The following NLRC3 variants were observed in gnomAD, a reference collection of about 807,000 sequenced individuals.
NLRC3 encodes NLR family CARD domain containing 3.
A neutral mutation model predicts 91.6 loss-of-function variants in NLRC3; 87 were observed. The observed-to-expected ratio is 0.95, with a 90% confidence interval of 0.80 to 1.14. NLRC3 has a LOEUF of 1.14. Among genes scored for constraint, NLRC3 ranks in the 50% most tolerant of loss-of-function variants. NLRC3 has a pLI of 0.00. For missense variants in NLRC3, 1,577 were observed against 1,418.6 expected (o/e 1.11, Z -1.79); for synonymous variants, 694 against 625.3 (o/e 1.11, Z -1.64).
rs1447795302 is a variant in NLRC3, at chr16:3,539,249, G to A, written c.*2576C>T. 1 of 152,088 alleles carries A rather than the reference G, an allele frequency of 6.6e-6. No individual in the cohort carries two copies. The highest frequency in any genetic ancestry group is 6.6e-5 in the Admixed American group (1 of 15,262). 9.4% of individuals were successfully genotyped at this position (152,088 alleles called of 1,614,324 possible). ...AAATATCATAGCTGTTAGACCCAGGGGACTCTCAGGTGCCAGAATTGGGGA... is the reference window on the plus strand; with the variant it reads ...AAATATCATAGCTGTTAGACCCAGGAGACTCTCAGGTGCCAGAATTGGGGA... On this transcript the variant is annotated 3_prime_UTR_variant, in exon 20 of 20. Transcript: ENST00000359128.
At position 3,565,032 on chromosome 16, in the gene NLRC3, C is replaced by T. The variant is rs746109588; in HGVS notation, c.5G>A (p.Arg2Lys). Residue 2 changes from arginine (R) to lysine (K), a missense_variant, in exon 4 of 20, where the codon AGG becomes AAG. Physicochemically the swap from Arg to Lys is conservative, Grantham distance 26. Transcript: ENST00000359128. M[R>K]KQEVRTGREA... ...CCTGCCCGTCCGCACCTCTTGCTTC[C>T]TCATGGAGTCGGGGATCACCTCCAG... 1.2e-6 allele frequency: 2 copies of T among 1,609,054 alleles called. No individual in the cohort carries two copies. The highest frequency in any genetic ancestry group is 2.2e-5 in the East Asian group (1 of 44,862).
intron 5 of NLRC3, among the ~76,000 whole-genome samples, chr16:3,562,398 T>G (rs959833060): frequency 3.9e-5 from 6 of 151,958 alleles, no homozygotes; most frequent in African/African-American, 1.5e-4. Context: ...CCCAGCAATT[T>G]GGGAGGCTGG....
chr16:3,575,805 G>A (rs1449959325), intron 1 of NLRC3, among the ~76,000 whole-genome samples: 2 of 152,138 alleles, frequency 1.3e-5, no homozygotes, highest in African/African-American at 4.8e-5. Flanking sequence ...GCCACTTGGC[G>A]CCCGGGTGGG....
intron 1 of NLRC3, among the ~76,000 whole-genome samples, chr16:3,570,595 G>A (rs1240521268): frequency 6.6e-6 from 1 of 152,194 alleles, no homozygotes; most frequent in African/African-American, 2.4e-5. Flanking sequence ...GAGGAGCAGA[G>A]GTGGTAATTG....
chr16:3,560,454 G>C (rs986388236), intron 6 of NLRC3, among the ~76,000 whole-genome samples: 3 of 151,898 alleles, frequency 2.0e-5, no homozygotes, highest in African/African-American at 4.8e-5. Context: ...TTAGCCCTTG[G>C]GTTCTCTTCT....
chr16:3,543,761 C>T (rs1301425243), intron 16 of NLRC3: 1 of 526,362 alleles, frequency 1.9e-6, no homozygotes, highest in Non-Finnish European at 3.4e-6. Flanking sequence ...CTCCCTGTAC[C>T]TCCTCATTAC....
chr16:3,544,422 C>G, intron 15 of NLRC3, 93 bp from the exon 16 acceptor site: 1 of 817,368 alleles, frequency 1.2e-6, no homozygotes, highest in African/African-American at 1.7e-5. Flanking sequence ...GTTTAACCGA[C>G]TACACACACC....
chr16:3,570,286 A>G (rs7196646), intron 1 of NLRC3, among the ~76,000 whole-genome samples: 17,857 of 152,188 alleles, frequency 0.12, 1,449 homozygotes, highest in African/African-American at 0.23. Context: ...TTTTTAAGAT[A>G]AGGAATATCT....
chr16:3,570,696 A>T (rs2040068813), intron 1 of NLRC3, among the ~76,000 whole-genome samples: 1 of 152,100 alleles, frequency 6.6e-6, no homozygotes, highest in African/African-American at 2.4e-5. Context: ...GAGCTAGGGG[A>T]GGGACATTTC....
At chr16:3,561,899 C>A in intron 5 of NLRC3, 111 bp from the exon 6 acceptor site, 1 of 750,842 alleles carries the variant, frequency 1.3e-6, no homozygotes, top group Non-Finnish European at 2.4e-6. Context: ...ATCACCGCAG[C>A]TCTGAGATCT....
intron 1 of NLRC3, among the ~76,000 whole-genome samples, chr16:3,568,269 G>A (rs1282538775): frequency 1.3e-5 from 2 of 152,222 alleles, no homozygotes; most frequent in African/African-American, 4.8e-5. Flanking sequence ...TCATGGTGTT[G>A]AAGAAGTAAG....
chr16:3,559,216 C>A (rs2039492939), intron 6 of NLRC3, among the ~76,000 whole-genome samples: 2 of 152,174 alleles, frequency 1.3e-5, no homozygotes, highest in Admixed American at 6.6e-5. Context: ...GTGCTTCCAT[C>A]CCTCTGGGAC....
intron 9 of NLRC3, among the ~76,000 whole-genome samples, chr16:3,553,694 T>C (rs2039134645): frequency 6.6e-6 from 1 of 151,518 alleles, no homozygotes; most frequent in Non-Finnish European, 1.5e-5. Context: ...GTAGAAGGTA[T>C]TTTATTTTAT....
Position 3,549,242 on chromosome 16 carries a change from G to GACCT in NLRC3, c.2520-21_2520-18dup. On this transcript the variant is annotated splice_polypyrimidine_tract_variant and intron_variant, in intron 12 of 19. Transcript: ENST00000359128. ...TCTCGAAGGCTGAAAAAAAAGGAAA[G>GACCT]ACCTGAGCTTCTGACCGGGCAGATG... 6.4e-7 allele frequency: 1 copy of GACCT among 1,552,954 alleles called. No individual in the cohort carries two copies. Among genetic ancestry groups the GACCT allele is most frequent in the Non-Finnish European group, 8.7e-7 (1 of 1,143,636 alleles).
rs1393748747 is a variant in NLRC3 at position 3,541,782 on chromosome 16, T to C, written c.*43A>G. 7.3e-7 allele frequency: 1 copy of C among 1,373,322 alleles called. No individual in the cohort carries two copies. The highest frequency in any genetic ancestry group is 2.3e-5 in the East Asian group (1 of 43,012). The allele number at this position is 1,373,322 out of a possible 1,614,324, so 85.1% of individuals were successfully genotyped here. On this transcript the variant is annotated 3_prime_UTR_variant, in exon 20 of 20. Transcript: ENST00000359128. ...AAGTCGGCCTTTCTGTTCAAAAGCT[T>C]CCAGCTGAGCATCTGCCCATTCTCC...
chr16:3,543,593 T>A, intron 16 of NLRC3, 85 bp from the exon 17 acceptor site: 2 of 900,072 alleles, frequency 2.2e-6, no homozygotes, highest in Non-Finnish European at 3.6e-6. Flanking sequence ...ACCCCTTGAC[T>A]CAGGATGGAA....
chr16:3,550,454 C>T lies in NLRC3; in HGVS notation c.2395G>A (p.Ala799Thr), dbSNP rs2038934139. Residue 799 changes from alanine to threonine, a missense_variant, in exon 11 of 20, where the codon GCT becomes ACT. By Grantham distance (58) the Ala-to-Thr change is moderately conservative. Transcript: ENST00000359128. ...CCCTGGTTCACCTTCAGGGCCTCAGCCAGGGCCTTGGCACCTCCATCACCA... is the reference window on the plus strand; with the variant it reads ...CCCTGGTTCACCTTCAGGGCCTCAGTCAGGGCCTTGGCACCTCCATCACCA... The part of the protein sequence containing the change: ...SIGDGGAKAL[A>T]EALKVNQGLE... The T allele has an allele frequency of 1.2e-6, 2 of 1,613,626 alleles. No homozygotes were observed. The highest frequency in any genetic ancestry group is 1.7e-5 in the Admixed American group (1 of 60,018).
At chr16:3,562,688 G>C (rs1279924694) in intron 5 of NLRC3, among the ~76,000 whole-genome samples, 2 of 149,388 alleles carry the variant, frequency 1.3e-5, no homozygotes, top group Non-Finnish European at 3.0e-5. Context: ...ACAGGGAGAA[G>C]ATGACCAGGC....
Position 3,543,520 on chromosome 16 carries a change from A to C in NLRC3, c.2856-12T>G, listed in dbSNP as rs538916763. 3.6e-5 allele frequency: 58 copies of C among 1,607,594 alleles called. No homozygotes were observed. Among genetic ancestry groups the C allele is most frequent in the Admixed American group, 1.3e-4 (8 of 59,730 alleles). On this transcript the variant is annotated splice_polypyrimidine_tract_variant and intron_variant, in intron 16 of 19. Coordinates refer to ENST00000359128, the MANE Select transcript of NLRC3 (RefSeq NM_178844.4). Reference sequence around the variant, plus strand: ...AGGCCACCTGGAGACTGGGGCGGAGAGGGTGCCGTCAGTGTGAGCCGGCTG... The same window carrying C: ...AGGCCACCTGGAGACTGGGGCGGAGCGGGTGCCGTCAGTGTGAGCCGGCTG...
Sources: gnomAD v4.1 joint callset for allele counts (sites outside exome capture counted in the v4.1 genomes callset) on GRCh38, gnomAD v4.1.1 for gene constraint, MANE v1.5 for transcripts, NCBI Gene and HGNC (gene_info 2026-07-23, HGNC 2026-07-21) for gene names.